The following SNX13 variants were observed in gnomAD, a reference collection of about 807,000 sequenced individuals.
SNX13 encodes sorting nexin-13.
A neutral mutation model predicts 133.6 loss-of-function variants in SNX13; 45 were observed. That is an observed-to-expected ratio of 0.34 (90% confidence interval 0.27 to 0.43). The LOEUF is 0.43. Among genes scored for constraint, SNX13 ranks in the 20% least tolerant of loss-of-function variants. The pLI, the probability that SNX13 is intolerant of heterozygous loss-of-function variation, is 1.00. For missense variants in SNX13, 1,032 were observed against 1,145.1 expected, an observed-to-expected ratio of 0.90 and a Z score of 1.43; for synonymous variants, 414 against 373.9, an observed-to-expected ratio of 1.11 and a Z score of -1.24.
intron 9 of SNX13, among the ~76,000 whole-genome samples, chr7:17,867,285 G>A (rs1034202341): frequency 3.9e-5 from 6 of 152,090 alleles, no homozygotes; most frequent in Admixed American, 1.3e-4. Flanking sequence ...CAATCTGGTC[G>A]AAGGGTAAAC....
intron 22 of SNX13, among the ~76,000 whole-genome samples, chr7:17,801,062 C>G: frequency 2.1e-5 from 1 of 47,726 alleles, no homozygotes; most frequent in African/African-American, 7.1e-5. Context: ...ATATATATAT[C>G]CTGATACAGC....
At chr7:17,918,624 A>T (rs1293881819) in intron 1 of SNX13, among the ~76,000 whole-genome samples, 3 of 152,202 alleles carry the variant, frequency 2.0e-5, no homozygotes, top group African/African-American at 7.2e-5. Flanking sequence ...TTGTGAGGTT[A>T]TGGAGAAAAA....
At chr7:17,928,670 C>T (rs114893874) in intron 1 of SNX13, among the ~76,000 whole-genome samples, 1,691 of 152,250 alleles carry the variant, frequency 0.011, 37 homozygotes, top group African/African-American at 0.039. Flanking sequence ...CCACTAACAT[C>T]TTAAAATCCT....
intron 1 of SNX13, among the ~76,000 whole-genome samples, chr7:17,917,437 G>A (rs1430368791): frequency 6.6e-6 from 1 of 152,022 alleles, no homozygotes; most frequent in Non-Finnish European, 1.5e-5. Context: ...AAGACTCCTA[G>A]ACCCGATATA....
chr7:17,894,962 T>C (rs1033708407), intron 2 of SNX13, among the ~76,000 whole-genome samples: 18 of 152,180 alleles, frequency 1.2e-4, no homozygotes, highest in Non-Finnish European at 1.8e-4. Flanking sequence ...TTGTTATTTG[T>C]AAAAGGCTGG....
chr7:17,857,285 G>A (rs1679384962), intron 9 of SNX13, among the ~76,000 whole-genome samples: 1 of 152,164 alleles, frequency 6.6e-6, no homozygotes, highest in South Asian at 2.1e-4. Context: ...GATGGCTTCA[G>A]TGCTGCTAAA....
chr7:17,807,293 G>T (rs970350949), intron 20 of SNX13, among the ~76,000 whole-genome samples: 3 of 152,104 alleles, frequency 2.0e-5, no homozygotes, highest in African/African-American at 7.2e-5. Flanking sequence ...CAGCTAGGTG[G>T]GGGGAGGGGC....
At chr7:17,913,189 G>A (rs1306056942) in intron 1 of SNX13, among the ~76,000 whole-genome samples, 1 of 152,186 alleles carries the variant, frequency 6.6e-6, no homozygotes, top group Non-Finnish European at 1.5e-5. Context: ...TTGGGTCAAA[G>A]GAAACACAAG....
chr7:17,912,217 A>G (rs1799055291), intron 1 of SNX13, among the ~76,000 whole-genome samples: 1 of 152,286 alleles, frequency 6.6e-6, no homozygotes, highest in Non-Finnish European at 1.5e-5. Flanking sequence ...GTGAAGCTCC[A>G]GTACATGAAA....
chr7:17,888,093 T>C (rs1301032701), intron 5 of SNX13: 1 of 151,962 alleles, frequency 6.6e-6, no homozygotes, highest in Non-Finnish European at 1.5e-5. Context: ...ATTTGTGTAG[T>C]AATAGAAAAA....
chr7:17,836,446 T>TG (rs1417416191), intron 13 of SNX13, among the ~76,000 whole-genome samples: 1 of 152,020 alleles, frequency 6.6e-6, no homozygotes, highest in East Asian at 1.9e-4. Flanking sequence ...GAACCTGGGA[T>TG]GCAAAGGGTG....
chr7:17,937,008 AAT>A (rs1234480351), intron 1 of SNX13, among the ~76,000 whole-genome samples: 4 of 143,796 alleles, frequency 2.8e-5, no homozygotes, highest in Non-Finnish European at 4.7e-5. Context: ...CATTAAAAAA[AAT>A]AAAATAAAAT....
intron 13 of SNX13, among the ~76,000 whole-genome samples, chr7:17,837,742 T>C (rs1372306683): frequency 6.6e-6 from 1 of 152,010 alleles, no homozygotes; most frequent in Non-Finnish European, 1.5e-5. Flanking sequence ...ACAGATAAAC[T>C]TGTCAAACTG....
intron 1 of SNX13, among the ~76,000 whole-genome samples, chr7:17,922,913 G>A (rs1055706056): frequency 2.2e-4 from 34 of 152,068 alleles, no homozygotes; most frequent in African/African-American, 6.8e-4. Context: ...AAATGAAAAC[G>A]GTAAACAATA....
At chr7:17,918,461 C>T (rs949940851) in intron 1 of SNX13, among the ~76,000 whole-genome samples, 3 of 151,260 alleles carry the variant, frequency 2.0e-5, no homozygotes, top group Admixed American at 6.6e-5. Flanking sequence ...TAAAAATGGG[C>T]AAAGGATATG....
intron 1 of SNX13, among the ~76,000 whole-genome samples, chr7:17,900,753 A>T (rs572699153): frequency 6.6e-6 from 1 of 152,150 alleles, no homozygotes; most frequent in South Asian, 2.1e-4. Context: ...GCTATACAAG[A>T]GCCAAGGCCT....
At chr7:17,927,579 A>C (rs186559278) in intron 1 of SNX13, among the ~76,000 whole-genome samples, 22 of 152,272 alleles carry the variant, frequency 1.4e-4, no homozygotes, top group East Asian at 5.8e-4. Context: ...AGGTTTCTCA[A>C]TAATTTTCCT....
At chr7:17,870,127 CT>C in intron 8 of SNX13, among the ~76,000 whole-genome samples, 1 of 152,238 alleles carries the variant, frequency 6.6e-6, no homozygotes, top group Middle Eastern at 3.4e-3. Flanking sequence ...ATAATTCCTA[CT>C]TTAAGACCTC....
intron 1 of SNX13, among the ~76,000 whole-genome samples, chr7:17,928,839 GTTCAT>G (rs1438040086): frequency 6.6e-6 from 1 of 152,058 alleles, no homozygotes; most frequent in Non-Finnish European, 1.5e-5. Context: ...GATTAATAGT[GTTCAT>G]TTAAGTCCAA....
Sources: allele counts gnomAD v4.1 joint callset (sites outside exome capture counted in the v4.1 genomes callset), GRCh38; gene constraint gnomAD v4.1.1; transcripts MANE v1.5; gene names NCBI Gene and HGNC (gene_info 2026-07-23, HGNC 2026-07-21).